MRTFA: variants seen among roughly 807,000 people sequenced by gnomAD.
MRTFA encodes myocardin related transcription factor A, also known as myocardin-related transcription factor A.
In MRTFA, 20 loss-of-function variants were observed where a neutral mutation model predicts 83.5. The ratio of observed to expected loss-of-function variants is 0.24; its 90% CI spans 0.17 to 0.35. MRTFA has a LOEUF of 0.35. MRTFA is among the 10% of genes least tolerant of loss of function. The pLI is 1.00. For synonymous variants in MRTFA, 659 were observed against 541.2 expected, an observed-to-expected ratio of 1.22 and a Z score of -3.02; for missense variants, 1,200 against 1,224.7, an observed-to-expected ratio of 0.98 and a Z score of 0.30.
chr22:40,420,705 G>A, intron 10 of MRTFA, 129 bp from the exon 11 acceptor site: 7 of 1,528,448 alleles, frequency 4.6e-6, no homozygotes, highest in Admixed American at 1.8e-5. Flanking sequence ...AGGCTAGGGT[G>A]GCCCTGCCTG....
rs113149479 is a variant in MRTFA, at chr22:40,486,728, G to A, written c.242-23442C>T. Among the ~76,000 whole-genome samples, 275 of 152,338 alleles carry A rather than the reference G, an allele frequency of 1.8e-3. 1 individual carries two copies. The highest frequency in any genetic ancestry group is 6.3e-3 in the African/African-American group (262 of 41,574). On this transcript the variant is annotated intron_variant, in intron 3 of 14. Transcript: ENST00000355630. ...GGGAGCCGGGTGCAGTGTGGCTCAC[G>A]CCTCTAATCCTAGCACTTTGGGAGG...
intron 4 of MRTFA, among the ~76,000 whole-genome samples, chr22:40,446,490 T>C (rs2053380788): frequency 6.6e-6 from 1 of 151,948 alleles, no homozygotes; most frequent in Non-Finnish European, 1.5e-5. Context: ...AGGACAGGCA[T>C]GAAGAGAGCC....
chr22:40,618,258 T>C (rs1305442764), intron 1 of MRTFA, among the ~76,000 whole-genome samples: 2 of 149,436 alleles, frequency 1.3e-5, no homozygotes. Context: ...GTATTTTTTT[T>C]TTTTTTTTTT....
intron 3 of MRTFA, among the ~76,000 whole-genome samples, chr22:40,511,055 GA>G (rs1045437434): frequency 1.3e-4 from 20 of 152,180 alleles, no homozygotes; most frequent in Non-Finnish European, 2.8e-4. Context: ...GCAGGAGAAA[GA>G]AAATGATTAG....
chr22:40,586,764 T>C (rs1172976888), intron 2 of MRTFA: 2 of 320,654 alleles, frequency 6.2e-6, no homozygotes, highest in Non-Finnish European at 1.2e-5. Context: ...TCTTGGTTGG[T>C]AGCTGCTGCC....
intron 2 of MRTFA, among the ~76,000 whole-genome samples, chr22:40,590,679 A>G: frequency 6.8e-6 from 1 of 147,622 alleles, no homozygotes; most frequent in Admixed American, 6.7e-5. Context: ...TCTCAAAAAA[A>G]GAAAAAAAAA....
intron 1 of MRTFA, among the ~76,000 whole-genome samples, chr22:40,615,143 A>C (rs946419993): frequency 5.3e-5 from 8 of 152,220 alleles, no homozygotes; most frequent in African/African-American, 1.9e-4. Context: ...TTAGGTCTAC[A>C]AACCATTTCA....
At position 40,486,497 on chromosome 22, in the gene MRTFA, G is replaced by T. The variant is rs2054176909; in HGVS notation, c.242-23211C>A. 3.3e-5 allele frequency among the ~76,000 whole-genome samples: 5 copies of T among 151,894 alleles called. No homozygotes were observed. The South Asian group carries it at 1.0e-3, about 32-fold the overall frequency. On this transcript the variant is annotated intron_variant, in intron 3 of 14. Transcript: ENST00000355630. Reference sequence around the variant, plus strand: ...GAATAGCTTGCTTCTTTTCTTTATTGTTTTTTTCTTCCTTCCACTCTAGGA... The same window carrying T: ...GAATAGCTTGCTTCTTTTCTTTATTTTTTTTTTCTTCCTTCCACTCTAGGA...
chr22:40,506,394 T>C (rs1416288153), intron 3 of MRTFA, among the ~76,000 whole-genome samples: 1 of 152,198 alleles, frequency 6.6e-6, no homozygotes, highest in Non-Finnish European at 1.5e-5. Flanking sequence ...TGCCAAGTAG[T>C]CTAGAAAATA....
chr22:40,411,983 AC>A (rs953988033), intron 14 of MRTFA, 76 bp from the exon 15 acceptor site: 18 of 1,276,640 alleles, frequency 1.4e-5, no homozygotes, highest in Non-Finnish European at 1.7e-5. Context: ...ATGAAGGTGG[AC>A]CCCCCAACGT....
At chr22:40,538,576 T>TA (rs2055230222) in intron 3 of MRTFA, among the ~76,000 whole-genome samples, 1 of 71,372 alleles carries the variant, frequency 1.4e-5, no homozygotes, top group South Asian at 2.8e-4. Flanking sequence ...AAAAAATAAA[T>TA]TAAAAAAAAA....
chr22:40,530,251 A>T (rs2055054575), intron 3 of MRTFA, among the ~76,000 whole-genome samples: 1 of 152,172 alleles, frequency 6.6e-6, no homozygotes, highest in African/African-American at 2.4e-5. Flanking sequence ...ATATTCCCTA[A>T]GACTTAGCTT....
chr22:40,483,238 A>T (rs1302045516), intron 3 of MRTFA, among the ~76,000 whole-genome samples: 3 of 151,810 alleles, frequency 2.0e-5, no homozygotes, highest in East Asian at 1.9e-4. Flanking sequence ...TTTTAAAAAA[A>T]TTTTTTTGTA....
intron 3 of MRTFA, among the ~76,000 whole-genome samples, chr22:40,465,396 CA>C (rs1297855230): frequency 6.6e-6 from 1 of 152,138 alleles, no homozygotes; most frequent in East Asian, 1.9e-4. Context: ...TATTATTTTA[CA>C]AATTACCATT....
intron 3 of MRTFA, among the ~76,000 whole-genome samples, chr22:40,541,638 T>C (rs980755703): frequency 3.9e-5 from 6 of 152,124 alleles, no homozygotes; most frequent in Non-Finnish European, 7.4e-5. Context: ...AGACCCAGGA[T>C]AGCTGATGGC....
intron 3 of MRTFA, among the ~76,000 whole-genome samples, chr22:40,517,683 C>T (rs2054784390): frequency 6.6e-6 from 1 of 152,160 alleles, no homozygotes; most frequent in Non-Finnish European, 1.5e-5. Context: ...AAAATTGGAC[C>T]TTGAAATTTC....
rs1224154016 is a variant in MRTFA at position 40,410,984 on chromosome 22, GAGAA to G, written c.*402_*405del. On this transcript the variant is annotated 3_prime_UTR_variant, in exon 15 of 15. Coordinates refer to ENST00000355630, the MANE Select transcript of MRTFA (RefSeq NM_020831.6). ...TTCTCCCTTCACAGCAAAGCAGGGA[GAGAA>G]AGGAAGGAGATTCACCCCTTAACCT... The G allele has an allele frequency of 4.2e-6, 1 of 240,150 alleles. No homozygotes were observed. 14.9% of individuals were successfully genotyped at this position (240,150 alleles called of 1,614,324 possible). A position where few individuals can be genotyped will look rare whatever the true frequency, so the allele number is the denominator to read the frequency against.
In MRTFA at chr22:40,435,613, G is replaced by A. The variant is rs1013346267; in HGVS notation, c.308-59C>T. The A allele has an allele frequency of 1.9e-5, 30 of 1,568,140 alleles. No individual in the cohort carries two copies. The East Asian group carries it at 2.0e-4, about 11-fold the overall frequency. On this transcript the variant is annotated intron_variant, in intron 4 of 14. Coordinates refer to ENST00000355630, the MANE Select transcript of MRTFA (RefSeq NM_020831.6). The stretch of plus-strand genomic sequence containing the variant: ...AGCGAAGCATCATGTCTAGTGCTAC[G>A]ATATTCAGTGGAGAAGGCATCTTAA...
intron 3 of MRTFA, among the ~76,000 whole-genome samples, chr22:40,507,217 C>G (rs1043666353): frequency 2.0e-5 from 3 of 151,988 alleles, no homozygotes; most frequent in Admixed American, 6.6e-5. Flanking sequence ...AAAAATTAGC[C>G]AGGCGTGGTG....
Sources: gnomAD v4.1 joint callset for allele counts (sites outside exome capture counted in the v4.1 genomes callset) on GRCh38, gnomAD v4.1.1 for gene constraint, MANE v1.5 for transcripts, NCBI Gene and HGNC (gene_info 2026-07-23, HGNC 2026-07-21) for gene names.